The following AGBL4 variants were observed in gnomAD, a reference collection of about 807,000 sequenced individuals.
AGBL4 encodes AGBL carboxypeptidase 4, also known as cytosolic carboxypeptidase 6.
In AGBL4, 58 loss-of-function variants were observed where a neutral mutation model predicts 66.4. The ratio of observed to expected loss-of-function variants is 0.87; its 90% CI spans 0.71 to 1.09. AGBL4 has a LOEUF of 1.09. Ranked by LOEUF, AGBL4 falls within the 50% of genes least tolerant of loss-of-function variation. The pLI is 0.00. For missense variants in AGBL4, 579 were observed against 631.0 expected (o/e 0.92, Z 0.88); for synonymous variants, 234 against 222.9 (o/e 1.05, Z -0.44).
intron 5 of AGBL4, among the ~76,000 whole-genome samples, chr1:49,041,444 C>T (rs1643939043): frequency 6.6e-6 from 1 of 152,020 alleles, no homozygotes; most frequent in Admixed American, 6.6e-5. Flanking sequence ...CCTGTACTTC[C>T]ATTAAATTTA....
chr1:48,579,756 A>G (rs1644709121), intron 11 of AGBL4, among the ~76,000 whole-genome samples: 1 of 143,706 alleles, frequency 7.0e-6, no homozygotes, highest in Non-Finnish European at 1.5e-5. Context: ...TAAAAATACA[A>G]AAAAAAAAAA....
intron 11 of AGBL4, among the ~76,000 whole-genome samples, chr1:48,575,263 C>A (rs943433310): frequency 6.6e-6 from 1 of 152,102 alleles, no homozygotes; most frequent in Non-Finnish European, 1.5e-5. Context: ...TATGATCTGA[C>A]AAACTGGATC....
chr1:49,206,347 C>A (rs6658750), intron 4 of AGBL4, among the ~76,000 whole-genome samples: 16,865 of 151,974 alleles, frequency 0.11, 1,587 homozygotes, highest in African/African-American at 0.25. Flanking sequence ...AAAAATAAAC[C>A]CTCTAACTAC....
intron 9 of AGBL4, among the ~76,000 whole-genome samples, chr1:48,608,405 A>C (rs1427324346): frequency 2.0e-5 from 3 of 152,186 alleles, no homozygotes; most frequent in Non-Finnish European, 4.4e-5. Flanking sequence ...TTTTAAAGAC[A>C]TGGGCTGTCA....
At chr1:48,904,422 G>A (rs1365883397) in intron 5 of AGBL4, among the ~76,000 whole-genome samples, 1 of 152,208 alleles carries the variant, frequency 6.6e-6, no homozygotes, top group African/African-American at 2.4e-5. Context: ...TGTATTTAAA[G>A]CATGGACTAT....
chr1:49,745,297 C>G (rs950979331), intron 2 of AGBL4, among the ~76,000 whole-genome samples: 1 of 151,708 alleles, frequency 6.6e-6, no homozygotes, highest in Admixed American at 6.6e-5. Context: ...CAACCATGGT[C>G]CAAAAAAAGA....
intron 1 of AGBL4, among the ~76,000 whole-genome samples, chr1:50,019,306 T>TCTCTCACACACACACACACA (rs1167835143): frequency 3.1e-4 from 15 of 48,430 alleles, no homozygotes; most frequent in East Asian, 1.1e-3. Flanking sequence ...TCTCTCTCTC[T>TCTCTCACACACACACACACA]CACACACACA....
At chr1:49,126,100 T>C (rs903268529) in intron 4 of AGBL4, among the ~76,000 whole-genome samples, 2 of 152,114 alleles carry the variant, frequency 1.3e-5, no homozygotes, top group African/African-American at 2.4e-5. Flanking sequence ...CAAGAATCCA[T>C]AGCACATACC....
chr1:49,966,301 G>C (rs189954506), intron 1 of AGBL4, among the ~76,000 whole-genome samples: 9 of 152,162 alleles, frequency 5.9e-5, no homozygotes, highest in Non-Finnish European at 1.2e-4. Context: ...TAAGCAGAGA[G>C]TTATATTGTT....
rs539983526 is a variant in AGBL4, at chr1:49,086,171, A to T, written c.378-40371T>A. 2.0e-5 allele frequency among the ~76,000 whole-genome samples: 3 copies of T among 152,046 alleles called. No individual in the cohort carries two copies. The South Asian group carries it at 6.2e-4, about 32-fold the overall frequency. On this transcript the variant is annotated intron_variant, in intron 4 of 13. Coordinates refer to ENST00000371839, the MANE Select transcript of AGBL4 (RefSeq NM_032785.4). Reference sequence around the variant, plus strand: ...ATAGGCAATACCTGCTAGAGCTTCTAGCCCACTGGTCCTACTTCTATGTGA... The same window carrying T: ...ATAGGCAATACCTGCTAGAGCTTCTTGCCCACTGGTCCTACTTCTATGTGA...
intron 5 of AGBL4, among the ~76,000 whole-genome samples, chr1:48,963,392 A>T: frequency 6.6e-6 from 1 of 152,304 alleles, no homozygotes. Context: ...TGCCCATGGA[A>T]GCCTATGATC....
At chr1:48,535,406 G>C (rs1196012117) in intron 12 of AGBL4, among the ~76,000 whole-genome samples, 1 of 152,116 alleles carries the variant, frequency 6.6e-6, no homozygotes, top group African/African-American at 2.4e-5. Flanking sequence ...TCACCCTGCT[G>C]TTTTCTAGGT....
At chr1:49,293,494 C>T (rs371701720) in intron 3 of AGBL4, among the ~76,000 whole-genome samples, 10 of 152,196 alleles carry the variant, frequency 6.6e-5, no homozygotes, top group East Asian at 1.9e-4. Flanking sequence ...TTATTATATA[C>T]GTAAAATTTG....
At chr1:48,991,210 C>T (rs1393471751) in intron 5 of AGBL4, among the ~76,000 whole-genome samples, 4 of 152,098 alleles carry the variant, frequency 2.6e-5, no homozygotes, top group Non-Finnish European at 4.4e-5. Context: ...TTCTACTTCA[C>T]GTTTGAAGAA....
intron 5 of AGBL4, among the ~76,000 whole-genome samples, chr1:48,923,816 G>A (rs952902266): frequency 4.6e-5 from 7 of 152,096 alleles, no homozygotes; most frequent in Non-Finnish European, 1.0e-4. Context: ...ATACATCCGT[G>A]GGCATGTAAG....
chr1:49,090,349 T>C (rs1644981070), intron 4 of AGBL4, among the ~76,000 whole-genome samples: 1 of 152,042 alleles, frequency 6.6e-6, no homozygotes, highest in Non-Finnish European at 1.5e-5. Flanking sequence ...CATAATCTCT[T>C]TCCAAAAGCT....
At chr1:49,275,985 C>A (rs1644160140) in intron 3 of AGBL4, among the ~76,000 whole-genome samples, 1 of 151,992 alleles carries the variant, frequency 6.6e-6, no homozygotes, top group African/African-American at 2.4e-5. Context: ...TGTTAGATTG[C>A]CACTGCAATC....
intron 3 of AGBL4, among the ~76,000 whole-genome samples, chr1:49,538,864 T>A (rs907972318): frequency 6.6e-6 from 1 of 152,166 alleles, no homozygotes; most frequent in Non-Finnish European, 1.5e-5. Flanking sequence ...GATACAAACA[T>A]TTATACAGGA....
intron 6 of AGBL4, among the ~76,000 whole-genome samples, chr1:48,683,316 C>G (rs1646483121): frequency 6.6e-6 from 1 of 152,244 alleles, no homozygotes; most frequent in East Asian, 1.9e-4. Flanking sequence ...CTACTTCTTT[C>G]CATTCAGAAT....
Sources: allele counts gnomAD v4.1 joint callset (sites outside exome capture counted in the v4.1 genomes callset), GRCh38; gene constraint gnomAD v4.1.1; transcripts MANE v1.5; gene names NCBI Gene and HGNC (gene_info 2026-07-23, HGNC 2026-07-21).